Variants in GFOD1 observed in about 807,000 individuals in gnomAD.
GFOD1 encodes the protein Gfo/Idh/MocA-like oxidoreductase domain containing 1.
In GFOD1, 9 loss-of-function variants were observed where a neutral mutation model predicts 25.4. That is an observed-to-expected ratio of 0.35 (90% confidence interval 0.21 to 0.62). GFOD1 has a LOEUF of 0.62. GFOD1 is among the 20% of genes least tolerant of loss of function. The probability of loss-of-function intolerance (pLI) is 0.72; values close to 1 mark genes in which losing one functional copy is unlikely to be tolerated. For synonymous variants in GFOD1, 253 were observed against 245.6 expected (o/e 1.03, Z -0.28); for missense variants, 403 against 556.9 (o/e 0.72, Z 2.78).
intron 1 of GFOD1, among the ~76,000 whole-genome samples, chr6:13,478,190 A>G (rs893145524): frequency 2.0e-5 from 3 of 151,950 alleles, no homozygotes; most frequent in African/African-American, 7.3e-5. Flanking sequence ...CCCAGGCTGG[A>G]GTGCAATGGT....
At chr6:13,446,684 G>A (rs779821349) in intron 1 of GFOD1, among the ~76,000 whole-genome samples, 2 of 152,218 alleles carry the variant, frequency 1.3e-5, no homozygotes, top group Non-Finnish European at 2.9e-5. Context: ...ATGTATGCAA[G>A]TGGCCACCAG....
At chr6:13,426,515 C>G (rs768800463) in intron 1 of GFOD1, among the ~76,000 whole-genome samples, 37 of 152,338 alleles carry the variant, frequency 2.4e-4, no homozygotes, top group Non-Finnish European at 3.1e-4. Flanking sequence ...GTCCTTTGGT[C>G]TCTCAAGGAT....
At chr6:13,454,139 C>T (rs1758147330) in intron 1 of GFOD1, among the ~76,000 whole-genome samples, 1 of 152,138 alleles carries the variant, frequency 6.6e-6, no homozygotes, top group African/African-American at 2.4e-5. Context: ...GTGATGCATC[C>T]TCAGGCCAAG....
At chr6:13,422,405 C>A (rs1463151297) in intron 1 of GFOD1, among the ~76,000 whole-genome samples, 1 of 152,106 alleles carries the variant, frequency 6.6e-6, no homozygotes, top group African/African-American at 2.4e-5. Flanking sequence ...TAGGGTCCAC[C>A]AAGTGACACT....
chr6:13,385,601 C>T (rs555934644), intron 1 of GFOD1, among the ~76,000 whole-genome samples: 1 of 152,300 alleles, frequency 6.6e-6, no homozygotes, highest in African/African-American at 2.4e-5. Context: ...AGCCAATCAT[C>T]AAGGGTTTTA....
intron 1 of GFOD1, among the ~76,000 whole-genome samples, chr6:13,388,768 C>A (rs952163687): frequency 6.6e-6 from 1 of 152,148 alleles, no homozygotes; most frequent in African/African-American, 2.4e-5. Flanking sequence ...CAAATGGGAT[C>A]TAATTAAACT....
chr6:13,468,285 A>C (rs1477144864), intron 1 of GFOD1, among the ~76,000 whole-genome samples: 1 of 152,164 alleles, frequency 6.6e-6, no homozygotes, highest in East Asian at 1.9e-4. Flanking sequence ...GGAAATTATC[A>C]TAAGAAAATT....
intron 1 of GFOD1, among the ~76,000 whole-genome samples, chr6:13,407,143 G>A (rs1447556013): frequency 6.6e-6 from 1 of 151,526 alleles, no homozygotes; most frequent in Non-Finnish European, 1.5e-5. Flanking sequence ...AGGGATGGTG[G>A]CGCCAAGACA....
rs1249276353 is a variant in GFOD1, at chr6:13,430,608, G to A, written c.253+56030C>T. Among the ~76,000 whole-genome samples, 1 of 152,096 alleles carries A rather than the reference G, an allele frequency of 6.6e-6. No homozygotes were observed. Among genetic ancestry groups the A allele is most frequent in the Non-Finnish European group, 1.5e-5 (1 of 68,026 alleles). ...CCTATTATGGGGTTCCCATAGAGAC[G>A]GGCAGCTTGTGTACAATGGGGAAGA... On this transcript the variant is annotated intron_variant, in intron 1 of 1. Coordinates refer to ENST00000379287, the MANE Select transcript of GFOD1 (RefSeq NM_018988.4). The surrounding 1 kb of genome is among the most constrained non-coding windows in gnomAD (Gnocchi z 4.1).
chr6:13,428,271 T>C (rs1011628667), intron 1 of GFOD1, among the ~76,000 whole-genome samples: 2 of 152,214 alleles, frequency 1.3e-5, no homozygotes, highest in Non-Finnish European at 2.9e-5. Context: ...CTCAAGCCCA[T>C]GCTGAATTTC....
At chr6:13,441,758 C>A (rs912911374) in intron 1 of GFOD1, among the ~76,000 whole-genome samples, 1 of 152,204 alleles carries the variant, frequency 6.6e-6, no homozygotes, top group Non-Finnish European at 1.5e-5. Flanking sequence ...TCTAAATAAA[C>A]ACCCAAAACA....
intron 1 of GFOD1, among the ~76,000 whole-genome samples, chr6:13,476,193 A>G (rs1758621087): frequency 6.6e-6 from 1 of 152,222 alleles, no homozygotes; most frequent in Admixed American, 6.5e-5. Context: ...AACAATACAA[A>G]CATCCATCAG....
intron 1 of GFOD1, among the ~76,000 whole-genome samples, chr6:13,391,390 C>A (rs1450408217): frequency 1.3e-5 from 2 of 151,398 alleles, no homozygotes; most frequent in African/African-American, 4.9e-5. Context: ...CCCAGCTACT[C>A]GGGAGGCTGA....
At position 13,369,239 on chromosome 6, in the gene GFOD1, T is replaced by C. The variant is rs560949794; in HGVS notation, c.254-3577A>G. Among the ~76,000 whole-genome samples the C allele has an allele frequency of 2.0e-5, 3 of 152,222 alleles. 1 individual carries two copies. Among genetic ancestry groups the C allele is most frequent in the Non-Finnish European group, 4.4e-5 (3 of 68,038 alleles). ...CCACAGTCTTTTGCAACATTCATGC[T>C]TTACAGATGGGTCTCGGCAACATCT... On this transcript the variant is annotated intron_variant, in intron 1 of 1. Transcript: ENST00000379287.
In GFOD1 at chr6:13,412,867, A is replaced by G. The variant is rs549624589; in HGVS notation, c.254-47205T>C. Among the ~76,000 whole-genome samples, 35 of 152,330 alleles carry G rather than the reference A, an allele frequency of 2.3e-4. 1 individual carries two copies. The South Asian group carries it at 7.3e-3, about 32-fold the overall frequency. ...CTCCTCTGAGCAAAGCTATTATCAA[A>G]TGCTCATCTGAGAAGGCCTTGGGGA... On this transcript the variant is annotated intron_variant, in intron 1 of 1. Coordinates refer to ENST00000379287, the MANE Select transcript of GFOD1 (RefSeq NM_018988.4).
At position 13,447,468 on chromosome 6, in the gene GFOD1, G is replaced by A. The variant is rs143518869; in HGVS notation, c.253+39170C>T. Among the ~76,000 whole-genome samples the A allele has an allele frequency of 5.2e-3, 798 of 152,208 alleles. 14 individuals are homozygous for A. Among genetic ancestry groups the A allele is most frequent in the African/African-American group, 0.018 (757 of 41,528 alleles). Reference sequence around the variant, plus strand: ...AAGATATTCTGAGGCTGGGTGCAGTGGCTCACGCCTGTAATTCCAACACTT... The same window carrying A: ...AAGATATTCTGAGGCTGGGTGCAGTAGCTCACGCCTGTAATTCCAACACTT... On this transcript the variant is annotated intron_variant, in intron 1 of 1. Transcript: ENST00000379287.
At chr6:13,375,794 T>G (rs947261075) in intron 1 of GFOD1, among the ~76,000 whole-genome samples, 4 of 152,224 alleles carry the variant, frequency 2.6e-5, no homozygotes, top group Admixed American at 6.5e-5. Flanking sequence ...CACGGGGATT[T>G]TCTCAGATTG....
At chr6:13,426,323 C>A (rs945358994) in intron 1 of GFOD1, among the ~76,000 whole-genome samples, 1 of 152,208 alleles carries the variant, frequency 6.6e-6, no homozygotes, top group Non-Finnish European at 1.5e-5. Context: ...AGCCAGGAAG[C>A]CACAGAAACA....
At chr6:13,468,611 T>A (rs1758419214) in intron 1 of GFOD1, among the ~76,000 whole-genome samples, 1 of 152,192 alleles carries the variant, frequency 6.6e-6, no homozygotes, top group African/African-American at 2.4e-5. Flanking sequence ...GAGACCTCGG[T>A]TTGGTCCTGA....
Sources: allele counts gnomAD v4.1 joint callset (sites outside exome capture counted in the v4.1 genomes callset), GRCh38; gene constraint gnomAD v4.1.1; non-coding constraint Gnocchi (gnomAD v3.1); transcripts MANE v1.5; gene names NCBI Gene and HGNC (gene_info 2026-07-23, HGNC 2026-07-21).